The following TANC2 variants were observed in gnomAD, a reference collection of about 807,000 sequenced individuals.
TANC2 encodes protein TANC2.
A neutral mutation model predicts 210.5 loss-of-function variants in TANC2; 26 were observed. The ratio of observed to expected loss-of-function variants is 0.12; its 90% CI spans 0.09 to 0.17. The LOEUF (loss-of-function observed/expected upper bound fraction) is 0.17, where lower values mean the gene tolerates loss of function less well. Among genes scored for constraint, TANC2 ranks in the 10% least tolerant of loss-of-function variants. The probability of loss-of-function intolerance (pLI) is 1.00; values close to 1 mark genes in which losing one functional copy is unlikely to be tolerated. For missense variants in TANC2, 2,129 were observed against 2,608.9 expected (o/e 0.82, Z 4.01); for synonymous variants, 931 against 967.1 (o/e 0.96, Z 0.69).
chr17:63,113,706 G>A (rs2038142303), intron 4 of TANC2, among the ~76,000 whole-genome samples: 1 of 152,138 alleles, frequency 6.6e-6, no homozygotes, highest in East Asian at 1.9e-4. Flanking sequence ...ATGGGGTCTT[G>A]CTATGTTGCC....
chr17:63,270,151 A>T (rs1221600090), intron 9 of TANC2, among the ~76,000 whole-genome samples: 1 of 152,188 alleles, frequency 6.6e-6, no homozygotes, highest in Admixed American at 6.6e-5. Context: ...TACTAAAACT[A>T]GTAATAACTT....
At chr17:63,255,433 GATGC>G (rs2043166816) in intron 8 of TANC2, among the ~76,000 whole-genome samples, 1 of 152,150 alleles carries the variant, frequency 6.6e-6, no homozygotes, top group African/African-American at 2.4e-5. Context: ...ATCCAGCGGT[GATGC>G]CATTGGATCC....
intron 19 of TANC2, among the ~76,000 whole-genome samples, chr17:63,400,639 T>C (rs2048313146): frequency 2.0e-5 from 3 of 151,942 alleles, no homozygotes; most frequent in African/African-American, 4.8e-5. Flanking sequence ...ATTTGTAATA[T>C]GATTTTTTTT....
At chr17:63,102,928 A>G (rs1249633175) in intron 4 of TANC2, among the ~76,000 whole-genome samples, 5 of 152,194 alleles carry the variant, frequency 3.3e-5, no homozygotes, top group Admixed American at 6.5e-5. Flanking sequence ...TCTAACAACT[A>G]TTTGCATGGC....
chr17:63,389,216 C>G, intron 16 of TANC2, 92 bp from the exon 17 acceptor site: 1 of 938,518 alleles, frequency 1.1e-6, no homozygotes, highest in Non-Finnish European at 1.6e-6. Flanking sequence ...CTACTAGACA[C>G]TGTTGTAGAA....
At chr17:63,120,973 T>C (rs1357999285) in intron 4 of TANC2, among the ~76,000 whole-genome samples, 1 of 152,246 alleles carries the variant, frequency 6.6e-6, no homozygotes, top group East Asian at 1.9e-4. Flanking sequence ...TTAGGTTTTT[T>C]CCCCTGGTTT....
intron 11 of TANC2, chr17:63,333,966 T>C (rs2045943617): frequency 6.6e-6 from 1 of 152,250 alleles, no homozygotes; most frequent in African/African-American, 2.4e-5. Context: ...ACTTAATAGA[T>C]TATAGTGTAA....
chr17:63,015,795 T>G (rs2034081439), intron 2 of TANC2, among the ~76,000 whole-genome samples: 2 of 151,850 alleles, frequency 1.3e-5, no homozygotes, highest in Non-Finnish European at 2.9e-5. Context: ...ATAAAGAAAA[T>G]ATGTTTATAT....
chr17:63,239,039 C>T (rs2042700302), intron 8 of TANC2, among the ~76,000 whole-genome samples: 1 of 151,774 alleles, frequency 6.6e-6, no homozygotes, highest in Non-Finnish European at 1.5e-5. Context: ...AATGATATAG[C>T]ATGGTGGCTC....
At chr17:63,007,353 A>G (rs2033667927) in intron 1 of TANC2, among the ~76,000 whole-genome samples, 1 of 152,074 alleles carries the variant, frequency 6.6e-6, no homozygotes, top group South Asian at 2.1e-4. Context: ...TAGTGATGCC[A>G]CCTTTCTTTT....
intron 2 of TANC2, among the ~76,000 whole-genome samples, chr17:63,060,618 C>T (rs1021883806): frequency 3.4e-4 from 35 of 103,650 alleles, no homozygotes; most frequent in Non-Finnish European, 5.7e-4. Context: ...GAAACTCTGT[C>T]TCAAAAAAAA....
intron 8 of TANC2, among the ~76,000 whole-genome samples, chr17:63,260,658 G>A (rs1026831955): frequency 6.6e-6 from 1 of 151,870 alleles, no homozygotes; most frequent in East Asian, 1.9e-4. Context: ...ACGCCTACTC[G>A]GAAGGCTAAG....
At chr17:63,086,754 T>A (rs1388434110) in intron 3 of TANC2, among the ~76,000 whole-genome samples, 2 of 152,168 alleles carry the variant, frequency 1.3e-5, no homozygotes, top group Non-Finnish European at 2.9e-5. Flanking sequence ...TACAAGAGGT[T>A]TGTAAAACAC....
At chr17:63,379,891 G>A in intron 15 of TANC2, 65 bp downstream of exon 15, 2 of 1,390,360 alleles carry the variant, frequency 1.4e-6, no homozygotes, top group Non-Finnish European at 2.0e-6. Flanking sequence ...CTTTATGTAA[G>A]AGACTATTTC....
chr17:63,243,731 A>G (rs975917975), intron 8 of TANC2, among the ~76,000 whole-genome samples: 7 of 152,214 alleles, frequency 4.6e-5, no homozygotes, highest in African/African-American at 9.6e-5. Context: ...TGGTAGTTAC[A>G]TGGATTTATA....
At chr17:63,072,560 AT>A (rs2036434235) in intron 2 of TANC2, among the ~76,000 whole-genome samples, 1 of 152,094 alleles carries the variant, frequency 6.6e-6, no homozygotes, top group Non-Finnish European at 1.5e-5. Context: ...TTTAAAAAGT[AT>A]TTTCATACTG....
chr17:63,249,690 C>G (rs2043004732), intron 8 of TANC2, among the ~76,000 whole-genome samples: 1 of 152,096 alleles, frequency 6.6e-6, no homozygotes, highest in Non-Finnish European at 1.5e-5. Context: ...CAATCAGAAA[C>G]TTTTAATAGA....
Position 63,244,122 on chromosome 17 carries a change from G to A in TANC2, c.1033+6045G>A, listed in dbSNP as rs138405963. ...GGATTCTCTGGTGGAGCTTTCCTAG[G>A]TGTTTTTCTGCTCAAGCTTTGGCTT... On this transcript the variant is annotated intron_variant, in intron 8 of 27. Transcript: ENST00000689528. Among the ~76,000 whole-genome samples the A allele has an allele frequency of 3.4e-4, 52 of 152,264 alleles. 1 individual carries two copies. In the East Asian group the frequency reaches 9.5e-3, roughly 28 times the overall value.
chr17:63,176,324 G>A (rs928224335), intron 5 of TANC2, among the ~76,000 whole-genome samples: 6 of 152,130 alleles, frequency 3.9e-5, no homozygotes, highest in African/African-American at 1.4e-4. Context: ...ACAAAATGTG[G>A]TATCCATACA....
Sources: allele counts gnomAD v4.1 joint callset (sites outside exome capture counted in the v4.1 genomes callset), GRCh38; gene constraint gnomAD v4.1.1; transcripts MANE v1.5; gene names NCBI Gene and HGNC (gene_info 2026-07-23, HGNC 2026-07-21).